Variants in SOX5 observed in about 807,000 individuals in gnomAD.
The protein encoded by SOX5 is SRY-box transcription factor 5, also known as transcription factor SOX-5.
A neutral mutation model predicts 92.0 loss-of-function variants in SOX5; 9 were observed. The ratio of observed to expected loss-of-function variants is 0.10; its 90% CI spans 0.06 to 0.17. The LOEUF is 0.17. SOX5 is among the 10% of genes least tolerant of loss of function. The pLI is 1.00. For synonymous variants in SOX5, 344 were observed against 336.3 expected (o/e 1.02, Z -0.25); for missense variants, 642 against 944.5 (o/e 0.68, Z 4.20).
intron 7 of SOX5, among the ~76,000 whole-genome samples, chr12:23,642,777 T>C (rs1011224276): frequency 3.3e-5 from 5 of 152,202 alleles, no homozygotes; most frequent in African/African-American, 1.2e-4. Context: ...AGTGAGCAGA[T>C]GCAGAAATCT....
intron 2 of SOX5, among the ~76,000 whole-genome samples, chr12:23,895,354 T>C (rs1215468578): frequency 6.6e-6 from 1 of 152,120 alleles, no homozygotes; most frequent in Non-Finnish European, 1.5e-5. Flanking sequence ...TAGGGAATAT[T>C]ATAGAGTCCA....
chr12:24,104,096 C>A (rs1946398958), intron 4 of SOX5, among the ~76,000 whole-genome samples: 1 of 152,102 alleles, frequency 6.6e-6, no homozygotes, highest in South Asian at 2.1e-4. Context: ...AATGTATCCT[C>A]ATGTAAATAG....
At chr12:23,861,228 T>G (rs1252913872) in intron 2 of SOX5, among the ~76,000 whole-genome samples, 1 of 152,092 alleles carries the variant, frequency 6.6e-6, no homozygotes, top group East Asian at 1.9e-4. Context: ...GTGTCCTGCC[T>G]CTAAAATCCC....
At chr12:24,031,233 T>C (rs1452986418) in intron 4 of SOX5, among the ~76,000 whole-genome samples, 1 of 151,096 alleles carries the variant, frequency 6.6e-6, no homozygotes, top group African/African-American at 2.4e-5. Context: ...GAAATCAGTA[T>C]ATCAAAAAGA....
intron 4 of SOX5, among the ~76,000 whole-genome samples, chr12:24,157,860 G>A (rs898824987): frequency 6.6e-6 from 1 of 152,072 alleles, no homozygotes; most frequent in African/African-American, 2.4e-5. Flanking sequence ...GCCTCCATGA[G>A]TCAGAGTTTG....
At chr12:24,326,345 T>C (rs1041290221) in intron 2 of SOX5, among the ~76,000 whole-genome samples, 1 of 152,108 alleles carries the variant, frequency 6.6e-6, no homozygotes, top group Non-Finnish European at 1.5e-5. Context: ...ACGAATATGG[T>C]AGCAAATCCT....
chr12:23,808,874 A>C (rs2095827500), intron 3 of SOX5, among the ~76,000 whole-genome samples: 1 of 152,170 alleles, frequency 6.6e-6, no homozygotes, highest in East Asian at 1.9e-4. Flanking sequence ...TAGTGGACCT[A>C]TTAGGTTTGA....
chr12:24,011,475 C>T (rs1384923939), intron 4 of SOX5, among the ~76,000 whole-genome samples: 2 of 152,168 alleles, frequency 1.3e-5, no homozygotes, highest in Admixed American at 6.6e-5. Flanking sequence ...CCCTTCTTTG[C>T]ATCTATTCTT....
At chr12:24,203,527 A>C (rs895390641) in intron 4 of SOX5, among the ~76,000 whole-genome samples, 5 of 152,182 alleles carry the variant, frequency 3.3e-5, no homozygotes, top group Non-Finnish European at 5.9e-5. Flanking sequence ...CATTATTTGT[A>C]TATCTGTGAT....
intron 9 of SOX5, among the ~76,000 whole-genome samples, chr12:23,579,486 G>A (rs1565996657): frequency 6.6e-6 from 1 of 151,944 alleles, no homozygotes; most frequent in African/African-American, 2.4e-5. Context: ...TTACTACTGA[G>A]CTGCTATACC....
At chr12:24,370,493 A>AAAAAAAG (rs1956622661) in intron 1 of SOX5, among the ~76,000 whole-genome samples, 1 of 151,366 alleles carries the variant, frequency 6.6e-6, no homozygotes, top group Non-Finnish European at 1.5e-5. Context: ...AAAAAAAAAA[A>AAAAAAAG]AAGATGTATT....
intron 4 of SOX5, among the ~76,000 whole-genome samples, chr12:24,090,858 T>G (rs772175585): frequency 6.6e-5 from 10 of 152,128 alleles, no homozygotes; most frequent in Non-Finnish European, 1.3e-4. Flanking sequence ...CTCAGAGTGC[T>G]TGGGAGTGGT....
intron 3 of SOX5, among the ~76,000 whole-genome samples, chr12:24,243,331 T>C (rs1937869013): frequency 6.6e-6 from 1 of 152,180 alleles, no homozygotes; most frequent in Non-Finnish European, 1.5e-5. Context: ...TCATAGTGTG[T>C]ATAGTGTTTA....
chr12:24,518,380 A>C (rs1228234745), intron 1 of SOX5, among the ~76,000 whole-genome samples: 1 of 152,120 alleles, frequency 6.6e-6, no homozygotes, highest in African/African-American at 2.4e-5. Context: ...GACAAACCTC[A>C]TTTTAAATTA....
intron 2 of SOX5, among the ~76,000 whole-genome samples, chr12:23,872,428 A>T (rs935428561): frequency 6.6e-6 from 1 of 151,918 alleles, no homozygotes; most frequent in East Asian, 1.9e-4. Context: ...ACAAGCACAC[A>T]TGTCACCAGA....
At chr12:23,762,126 C>G (rs960872958) in intron 3 of SOX5, among the ~76,000 whole-genome samples, 1 of 152,056 alleles carries the variant, frequency 6.6e-6, no homozygotes, top group Non-Finnish European at 1.5e-5. Flanking sequence ...TAATATTGAC[C>G]TTTACATATC....
chr12:24,066,729 C>T (rs1569531073), intron 4 of SOX5, among the ~76,000 whole-genome samples: 1 of 152,132 alleles, frequency 6.6e-6, no homozygotes. Context: ...CACAATCATT[C>T]TTAAAAATGT....
chr12:23,726,118 C>CGAGAGAGAGAGAGA lies in SOX5; in HGVS notation c.810+8552_810+8565dup, dbSNP rs60575337. Among the ~76,000 whole-genome samples, 86 of 123,694 alleles carry CGAGAGAGAGAGAGA rather than the reference C, an allele frequency of 7.0e-4. 5 individuals are homozygous for CGAGAGAGAGAGAGA. The highest frequency in any genetic ancestry group is 9.3e-4 in the Non-Finnish European group (55 of 59,312). 81.1% of individuals were successfully genotyped at this position (123,694 alleles called of 152,430 possible). A position where few individuals can be genotyped will look rare whatever the true frequency, so the allele number is the denominator to read the frequency against. On this transcript the variant is annotated intron_variant, in intron 6 of 14. Transcript: ENST00000451604. ...TAATGGTGTTAAATACATACATCCC[C>CGAGAGAGAGAGAGA]GAGAGAGAGAGAGAGAGAGAGAGAG...
intron 1 of SOX5, among the ~76,000 whole-genome samples, chr12:23,913,889 A>C (rs1448657541): frequency 6.6e-6 from 1 of 152,170 alleles, no homozygotes; most frequent in Non-Finnish European, 1.5e-5. Context: ...TTCTTCATTT[A>C]TATGCTTAGA....
Sources: allele counts gnomAD v4.1 joint callset (sites outside exome capture counted in the v4.1 genomes callset), GRCh38; gene constraint gnomAD v4.1.1; transcripts MANE v1.5; gene names NCBI Gene and HGNC (gene_info 2026-07-23, HGNC 2026-07-21).